Variants in PSORS1C1 observed in about 807,000 individuals in gnomAD.
PSORS1C1 encodes the protein psoriasis susceptibility 1 candidate gene 1 protein.
PSORS1C1 carries 7 observed loss-of-function variants against 9.4 expected under a neutral mutation model. The observed-to-expected ratio is 0.75, with a 90% CI of 0.42 to 1.40. The LOEUF (loss-of-function observed/expected upper bound fraction) is 1.40. PSORS1C1 is among the 40% of genes most tolerant of loss of function. The pLI is 0.01. For synonymous variants in PSORS1C1, 63 were observed against 69.4 expected, an observed-to-expected ratio of 0.91 and a Z score of 0.46; for missense variants, 146 against 178.1, an observed-to-expected ratio of 0.82 and a Z score of 1.02.
intron 3 of PSORS1C1, among the ~76,000 whole-genome samples, chr6:31,134,372 G>A (rs375822497): frequency 2.0e-5 from 3 of 151,118 alleles, no homozygotes; most frequent in Non-Finnish European, 4.4e-5. Context: ...GCACGATCTC[G>A]GCTCACTGCA....
At chr6:31,123,438 G>A (rs1772549249) in intron 1 of PSORS1C1, among the ~76,000 whole-genome samples, 1 of 152,242 alleles carries the variant, frequency 6.6e-6, no homozygotes, top group Non-Finnish European at 1.5e-5. Context: ...TCAGCTGAGT[G>A]CCCACACAGG....
At chr6:31,125,934 C>T (rs968371341) in intron 2 of PSORS1C1, 95 bp downstream of exon 2, 2 of 152,306 alleles carry the variant, frequency 1.3e-5, no homozygotes, top group Non-Finnish European at 2.9e-5. Flanking sequence ...CTGTGCTTCC[C>T]CTTTCTACCT....
intron 3 of PSORS1C1, among the ~76,000 whole-genome samples, chr6:31,136,463 G>C (rs1773142850): frequency 6.6e-6 from 1 of 151,618 alleles, no homozygotes; most frequent in African/African-American, 2.4e-5. Flanking sequence ...GTTTCCTATT[G>C]ACCTTTGGCG....
chr6:31,135,996 C>T (rs1053653931), intron 3 of PSORS1C1, among the ~76,000 whole-genome samples: 9 of 151,774 alleles, frequency 5.9e-5, no homozygotes, highest in South Asian at 2.1e-4. Context: ...TGAAGCTATA[C>T]GAGCCATGAT....
chr6:31,117,613 T>C (rs1772237747), intron 1 of PSORS1C1: 3 of 1,160,668 alleles, frequency 2.6e-6, no homozygotes, highest in Middle Eastern at 2.8e-4. Context: ...GTCATCGGCC[T>C]CTCGGGTTTC....
chr6:31,116,644 AAGTAGCCCACAGGGT>A (rs1772144157), intron 1 of PSORS1C1: 1 of 1,612,946 alleles, frequency 6.2e-7, no homozygotes. Flanking sequence ...CTCTTTGGTG[AAGTAGCCCACAGGGT>A]AGATTTTACC....
intron 3 of PSORS1C1, among the ~76,000 whole-genome samples, chr6:31,135,120 G>A (rs371385133): frequency 2.4e-4 from 36 of 152,296 alleles, no homozygotes; most frequent in African/African-American, 8.2e-4. Context: ...CCAGCCCCTT[G>A]CACATTTTTA....
In PSORS1C1 at chr6:31,120,528, G is replaced by A. The variant is rs999343746; in HGVS notation, c.-228-5148G>A. On this transcript the variant is annotated intron_variant, in intron 1 of 5. Transcript: ENST00000259881. ...AGTCACTGTGGGGAGAGGAGGAGAG[G>A]TGGAGGGGGTGGGTGCCCCAGGGGA... is the stretch of plus-strand genomic sequence containing the variant. 6.1e-6 allele frequency: 6 copies of A among 986,218 alleles called. No individual in the cohort carries two copies. In the East Asian group the frequency reaches 1.6e-4, roughly 26 times the overall value. 61.1% of individuals were successfully genotyped at this position (986,218 alleles called of 1,614,324 possible). A position where few individuals can be genotyped will look rare whatever the true frequency, so the allele number is the denominator to read the frequency against.
intron 1 of PSORS1C1, chr6:31,120,559 G>A (rs1181381397): frequency 4.0e-6 from 3 of 745,722 alleles, no homozygotes; most frequent in Non-Finnish European, 7.0e-6. Context: ...GGGGAAGTTG[G>A]TGTGGCCGGG....
At position 31,138,694 on chromosome 6, in the gene PSORS1C1, AAC is replaced by A. The variant is rs760404402; in HGVS notation, c.86_87del (p.Thr29ArgfsTer13). 6 of 1,612,820 alleles carry A rather than the reference AAC, an allele frequency of 3.7e-6. No individual in the cohort carries two copies. The highest frequency in any genetic ancestry group is 5.1e-6 in the Non-Finnish European group (6 of 1,179,818). On this transcript the variant is annotated frameshift_variant, in exon 5 of 6. Coordinates refer to ENST00000259881, the MANE Select transcript of PSORS1C1 (RefSeq NM_014068.3). LOFTEE classifies it high-confidence loss of function. ...AGCTTTACAAGGACCCCAGCTCCTT[AAC>A]ACAGATCCCAGCTCCGAGGAAACTC... The part of the protein sequence containing the change: ...TPALQGPQLL[N>X]TDPSSEETRP...
chr6:31,120,557 TG>T (rs1376205867), intron 1 of PSORS1C1: 46 of 756,788 alleles, frequency 6.1e-5, no homozygotes, highest in Non-Finnish European at 2.3e-5. Flanking sequence ...CAGGGGAAGT[TG>T]GTGTGGCCGG....
At position 31,137,907 on chromosome 6, in the gene PSORS1C1, G is replaced by C. The variant is rs370492285; in HGVS notation, c.14-523G>C. On this transcript the variant is annotated intron_variant, in intron 3 of 5. Transcript: ENST00000259881. ...GGAATCAGAGGGTGGAGAGGGCGTGGGTGCCTGGAGATGCCTGGGAACAGA... is the reference window on the plus strand; with the variant it reads ...GGAATCAGAGGGTGGAGAGGGCGTGCGTGCCTGGAGATGCCTGGGAACAGA... 989 of 962,940 alleles carry C rather than the reference G, an allele frequency of 1.0e-3. 2 individuals carry two copies. The highest frequency in any genetic ancestry group is 1.1e-3 in the Non-Finnish European group (747 of 673,958). The allele number at this position is 962,940 out of a possible 1,614,324, so 59.6% of individuals were successfully genotyped here. A position where few individuals can be genotyped will look rare whatever the true frequency, so the allele number is the denominator to read the frequency against.
chr6:31,119,200 C>T (rs1259322298), intron 1 of PSORS1C1, among the ~76,000 whole-genome samples: 1 of 152,112 alleles, frequency 6.6e-6, no homozygotes, highest in Non-Finnish European at 1.5e-5. Flanking sequence ...GCCACTCATC[C>T]TGATCCCTCC....
At chr6:31,122,135 CT>C (rs1401370678) in intron 1 of PSORS1C1, among the ~76,000 whole-genome samples, 1 of 152,226 alleles carries the variant, frequency 6.6e-6, no homozygotes, top group East Asian at 1.9e-4. Flanking sequence ...CTTTGGGCGG[CT>C]CTTCAAACCT....
At chr6:31,120,435 C>T (rs1187846697) in intron 1 of PSORS1C1, 1 of 1,566,064 alleles carries the variant, frequency 6.4e-7, no homozygotes, top group Non-Finnish European at 8.7e-7. Flanking sequence ...ACTGCACGGC[C>T]TCCTGACTGA....
intron 4 of PSORS1C1, 38 bp downstream of exon 4, chr6:31,138,497 T>G: frequency 6.2e-7 from 1 of 1,610,564 alleles, no homozygotes; most frequent in Non-Finnish European, 8.5e-7. Flanking sequence ...TAAAATGTCA[T>G]GAACCCCTAC....
At chr6:31,129,024 C>T (rs1405110984) in intron 2 of PSORS1C1, among the ~76,000 whole-genome samples, 1 of 152,156 alleles carries the variant, frequency 6.6e-6, no homozygotes, top group Non-Finnish European at 1.5e-5. Context: ...GTTTCCCTGG[C>T]CAGAGAGCTT....
Position 31,115,736 on chromosome 6 carries a change from T to C in PSORS1C1, c.-229+845T>C, listed in dbSNP as rs935080013. 1 of 492,704 alleles carries C rather than the reference T, an allele frequency of 2.0e-6. No homozygotes were observed. Among genetic ancestry groups the C allele is most frequent in the Admixed American group, 3.3e-5 (1 of 30,522 alleles). The allele number at this position is 492,704 out of a possible 1,614,324, so 30.5% of individuals were successfully genotyped here. ...GACCATTTCCACACAGTAGAGGGAA[T>C]TGTAAGGGGTGGTGATCTGGCTGAG... On this transcript the variant is annotated intron_variant, in intron 1 of 5. Coordinates refer to ENST00000259881, the MANE Select transcript of PSORS1C1 (RefSeq NM_014068.3). This position sits in a 1 kb window ranked among gnomAD's most constrained non-coding sequence, Gnocchi z 4.2.
intron 1 of PSORS1C1, chr6:31,117,511 A>C (rs773099711): frequency 7.1e-6 from 11 of 1,550,690 alleles, no homozygotes; most frequent in Non-Finnish European, 8.7e-6. Context: ...GAAGGTGCCA[A>C]TGCTCTTAGC....
Sources: allele counts gnomAD v4.1 joint callset (sites outside exome capture counted in the v4.1 genomes callset), GRCh38; gene constraint gnomAD v4.1.1; non-coding constraint Gnocchi (gnomAD v3.1); transcripts MANE v1.5; gene names NCBI Gene and HGNC (gene_info 2026-07-23, HGNC 2026-07-21).